The following PCDHA9 variants were observed in gnomAD, a reference collection of about 807,000 sequenced individuals.
PCDHA9 encodes the protein protocadherin alpha 9.
A neutral mutation model predicts 62.0 loss-of-function variants in PCDHA9; 62 were observed. The ratio of observed to expected loss-of-function variants is 1.00; its 90% CI spans 0.81 to 1.23. The LOEUF (loss-of-function observed/expected upper bound fraction) is 1.23, where lower values mean the gene tolerates loss of function less well. Ranked by LOEUF, PCDHA9 falls within the 50% of genes most tolerant of loss-of-function variation. The probability of loss-of-function intolerance (pLI) is 0.00; values close to 1 mark genes in which losing one functional copy is unlikely to be tolerated. For missense variants in PCDHA9, 1,205 were observed against 1,249.8 expected (o/e 0.96, Z 0.54); for synonymous variants, 557 against 567.6 (o/e 0.98, Z 0.27).
At chr5:140,951,487 G>A (rs1563250651) in intron 1 of PCDHA9, among the ~76,000 whole-genome samples, 1 of 151,938 alleles carries the variant, frequency 6.6e-6, no homozygotes, top group Non-Finnish European at 1.5e-5. Flanking sequence ...CAAGAATCAT[G>A]GTGGAAGGCA....
At chr5:140,999,877 G>C (rs1194481133) in intron 3 of PCDHA9, among the ~76,000 whole-genome samples, 1 of 152,152 alleles carries the variant, frequency 6.6e-6, no homozygotes, top group Non-Finnish European at 1.5e-5. Flanking sequence ...CTGAAAATTA[G>C]CCCAGCTGTA....
intron 1 of PCDHA9, chr5:140,858,226 C>G (rs782380359): frequency 1.3e-6 from 2 of 1,595,414 alleles, no homozygotes; most frequent in Admixed American, 1.7e-5. Context: ...CGGCGCCCAC[C>G]GAGGGCGCAT....
At chr5:140,991,629 T>C (rs1466263798) in intron 3 of PCDHA9, among the ~76,000 whole-genome samples, 5 of 152,208 alleles carry the variant, frequency 3.3e-5, no homozygotes, top group African/African-American at 1.2e-4. Context: ...ATATTTGTAA[T>C]AACAATCTGT....
intron 1 of PCDHA9, among the ~76,000 whole-genome samples, chr5:140,941,369 T>C (rs2093052615): frequency 6.8e-6 from 1 of 147,356 alleles, no homozygotes; most frequent in Non-Finnish European, 1.5e-5. Context: ...TAGGCTGGAG[T>C]GTAGTGACAG....
chr5:141,009,908 A>T lies in PCDHA9; in HGVS notation c.2824A>T (p.Asn942Tyr). ...NKTQEKKEKGNSTTDNSDQ is the reference protein window; with the variant it reads ...NKTQEKKEKGYSTTDNSDQ ...GACCCAGGAGAAAAAAGAGAAAGGG[A>T]ACAGCACGACTGACAACAGTGACCA... Residue 942 changes from asparagine to tyrosine, a missense_variant, in exon 4 of 4, where the codon AAC (asparagine) becomes TAC (tyrosine). Physicochemically the swap from Asn to Tyr is moderately radical, Grantham distance 143 (BLOSUM62 -2). This residue lies in a region of PCDHA9 where 887 missense variants were observed against 809.5 expected (regional missense o/e 1.10). Transcript: ENST00000532602. 1 of 1,612,966 alleles carries T rather than the reference A, an allele frequency of 6.2e-7. No individual in the cohort carries two copies. The highest frequency in any genetic ancestry group is 1.1e-5 in the South Asian group (1 of 90,886).
intron 1 of PCDHA9, among the ~76,000 whole-genome samples, chr5:140,940,372 A>G (rs1173605569): frequency 1.3e-5 from 2 of 151,970 alleles, no homozygotes; most frequent in Admixed American, 6.6e-5. Flanking sequence ...GTATTCCTTG[A>G]GTTGTTAATT....
intron 1 of PCDHA9, among the ~76,000 whole-genome samples, chr5:140,975,647 T>G (rs1563441442): frequency 6.6e-6 from 1 of 152,254 alleles, no homozygotes; most frequent in Non-Finnish European, 1.5e-5. Flanking sequence ...GCATATTATT[T>G]CATTGAGTAG....
chr5:140,886,603 G>A lies in PCDHA9; in HGVS notation c.2394+35714G>A, dbSNP rs781862855. Among the ~76,000 whole-genome samples, 8 of 152,090 alleles carry A rather than the reference G, an allele frequency of 5.3e-5. No individual in the cohort carries two copies. The East Asian group carries it at 1.2e-3, about 22-fold the overall frequency. ...AGCACTTTGGGAGGCCAAGGTGGGCGGATCAGGAGATCAGGAGTCCGAGAC... is the reference window on the plus strand; with the variant it reads ...AGCACTTTGGGAGGCCAAGGTGGGCAGATCAGGAGATCAGGAGTCCGAGAC... On this transcript the variant is annotated intron_variant, in intron 1 of 3. Coordinates refer to ENST00000532602, the MANE Select transcript of PCDHA9 (RefSeq NM_031857.2).
intron 1 of PCDHA9, chr5:140,862,524 C>T: frequency 4.8e-6 from 2 of 417,532 alleles, no homozygotes; most frequent in Middle Eastern, 9.1e-4. Context: ...TTGTTGGCCA[C>T]AGCCATCGGG....
At chr5:140,904,199 C>A (rs2070936424) in intron 1 of PCDHA9, among the ~76,000 whole-genome samples, 1 of 151,944 alleles carries the variant, frequency 6.6e-6, no homozygotes, top group Non-Finnish European at 1.5e-5. Flanking sequence ...CCCTTTCCCC[C>A]TAAGTCCCCA....
intron 1 of PCDHA9, chr5:140,868,939 G>T (rs2050745278): frequency 1.6e-6 from 2 of 1,242,994 alleles, no homozygotes; most frequent in African/African-American, 1.5e-5. Context: ...AGGTTGGTCT[G>T]AACAGTGAGG....
chr5:140,861,388 G>T, intron 1 of PCDHA9: 1 of 450,376 alleles, frequency 2.2e-6, no homozygotes, highest in African/African-American at 2.0e-5. Context: ...CAGGACCTGG[G>T]TCTGGAGCTT....
chr5:140,898,040 GT>G (rs1301370622), intron 1 of PCDHA9, among the ~76,000 whole-genome samples: 7 of 151,970 alleles, frequency 4.6e-5, no homozygotes, highest in Non-Finnish European at 8.8e-5. Flanking sequence ...GGGGTTGTTT[GT>G]TTTTTTCTTG....
intron 1 of PCDHA9, chr5:140,861,477 A>AT (rs2046941356): frequency 1.6e-5 from 8 of 493,206 alleles, no homozygotes; most frequent in South Asian, 1.2e-4. Context: ...GCAGAATGGC[A>AT]TTTTTGTGAG....
intron 1 of PCDHA9, chr5:140,860,465 T>C (rs12657479): frequency 6.6e-6 from 1 of 152,098 alleles, no homozygotes; most frequent in Admixed American, 6.5e-5. Flanking sequence ...GATAATACAG[T>C]TGGTGCAGTA....
chr5:140,887,672 T>G (rs2061538471), intron 1 of PCDHA9, among the ~76,000 whole-genome samples: 1 of 152,180 alleles, frequency 6.6e-6, no homozygotes, highest in Admixed American at 6.5e-5. Flanking sequence ...GGATTTATCA[T>G]TTTCATCAAA....
At position 140,946,631 on chromosome 5, in the gene PCDHA9, T is replaced by C. The variant is rs75895301; in HGVS notation, c.2395-32318T>C. Among the ~76,000 whole-genome samples, 565 of 131,680 alleles carry C rather than the reference T, an allele frequency of 4.3e-3. 19 individuals are homozygous for C. Among genetic ancestry groups the C allele is most frequent in the Middle Eastern group, 0.019 (5 of 266 alleles). 86.4% of individuals were successfully genotyped at this position (131,680 alleles called of 152,430 possible). A position where few individuals can be genotyped will look rare whatever the true frequency, so the allele number is the denominator to read the frequency against. On this transcript the variant is annotated intron_variant, in intron 1 of 3. Coordinates refer to ENST00000532602, the MANE Select transcript of PCDHA9 (RefSeq NM_031857.2). ...TGTGAAATATATATATATATATATA[T>C]ACAATGGAATACTCATCAGCCATTA... is the stretch of plus-strand genomic sequence containing the variant.
chr5:141,011,752 C>T lies in PCDHA9; in HGVS notation c.*1815C>T, dbSNP rs1051150394. On this transcript the variant is annotated 3_prime_UTR_variant, in exon 4 of 4. Transcript: ENST00000532602. ...CAAGCACAAATTTTACCAATCTGAC[C>T]TCTTTGAAGTTGCAGAATGCTTTGA... The T allele has an allele frequency of 6.5e-6, 1 of 153,662 alleles. No homozygotes were observed. The highest frequency in any genetic ancestry group is 6.5e-5 in the Admixed American group (1 of 15,272). The allele number at this position is 153,662 out of a possible 1,614,324, so 9.5% of individuals were successfully genotyped here. A position where few individuals can be genotyped will look rare whatever the true frequency, so the allele number is the denominator to read the frequency against.
chr5:140,852,495 C>T (rs2042351013), intron 1 of PCDHA9: 1 of 241,812 alleles, frequency 4.1e-6, no homozygotes, highest in Non-Finnish European at 7.2e-6. Context: ...CCAGGTTGGT[C>T]TCGAACTCCT....
Sources: allele counts gnomAD v4.1 joint callset (sites outside exome capture counted in the v4.1 genomes callset), GRCh38; gene constraint gnomAD v4.1.1; regional missense constraint gnomAD v4.1.1; transcripts MANE v1.5; gene names NCBI Gene and HGNC (gene_info 2026-07-23, HGNC 2026-07-21).